RGS7: variants seen among roughly 807,000 people sequenced by gnomAD.
RGS7 encodes regulator of G protein signaling 7, also known as regulator of G-protein signaling 7.
RGS7 carries 27 observed loss-of-function variants against 81.1 expected under a neutral mutation model. The ratio of observed to expected loss-of-function variants is 0.33; its 90% CI spans 0.25 to 0.46. The LOEUF is 0.46. RGS7 is among the 20% of genes least tolerant of loss of function. The pLI, the probability that RGS7 is intolerant of heterozygous loss-of-function variation, is 1.00. For missense variants in RGS7, 396 were observed against 607.4 expected (o/e 0.65, Z 3.66); for synonymous variants, 208 against 207.7 (o/e 1.00, Z -0.01).
Position 240,800,651 on chromosome 1 carries a change from A to T in RGS7, c.1484T>A (p.Leu495Ter). The T allele has an allele frequency of 6.5e-7, 1 of 1,543,670 alleles. No individual in the cohort carries two copies. The highest frequency in any genetic ancestry group is 1.2e-5 in the South Asian group (1 of 83,514). The change falls in exon 18 of 19, where the codon TTA becomes TAA. Residue 495 changes from leucine (L) to a stop codon, truncating the protein, a stop_gained. Transcript: ENST00000440928. LOFTEE classifies it high-confidence loss of function. ...CCAAGATTTTTCTACCTCTTTTCAT[A>T]ACAGGTTAGTGCTGGCCCTCAGTGT... Reference protein sequence around the residue: ...TPTLRASTNLL With the variant: ...TPTLRASTNL
intron 2 of RGS7, among the ~76,000 whole-genome samples, chr1:241,208,823 A>G (rs2074075733): frequency 6.6e-6 from 1 of 152,330 alleles, no homozygotes; most frequent in East Asian, 1.9e-4. Flanking sequence ...AGAAACCTTA[A>G]GAGATGATAA....
Position 240,913,629 on chromosome 1 carries a change from C to T in RGS7, c.385+17088G>A, listed in dbSNP as rs1031503519. On this transcript the variant is annotated intron_variant, in intron 6 of 18. Coordinates refer to ENST00000440928, the MANE Select transcript of RGS7 (RefSeq NM_001364886.1). The stretch of plus-strand genomic sequence containing the variant: ...TTGTTGTTTTTTGTTTTTGCTAAAA[C>T]GAAAAAACTTCCTTTTTATTAAGGA... Among the ~76,000 whole-genome samples, 35 of 151,924 alleles carry T rather than the reference C, an allele frequency of 2.3e-4. No homozygotes were observed. The East Asian group carries it at 3.9e-3, about 17-fold the overall frequency.
At chr1:241,242,771 T>C (rs1336483987) in intron 2 of RGS7, among the ~76,000 whole-genome samples, 1 of 152,092 alleles carries the variant, frequency 6.6e-6, no homozygotes, top group Admixed American at 6.5e-5. Context: ...TTGGCCATTT[T>C]CACATCTTCT....
intron 2 of RGS7, among the ~76,000 whole-genome samples, chr1:241,135,005 C>T (rs4570413): frequency 6.6e-6 from 1 of 151,748 alleles, no homozygotes; most frequent in African/African-American, 2.4e-5. Flanking sequence ...CGTCCGGGTA[C>T]TACGTAGCAG....
intron 3 of RGS7, among the ~76,000 whole-genome samples, chr1:241,047,759 AG>A (rs2061015453): frequency 2.6e-5 from 1 of 37,970 alleles, no homozygotes; most frequent in South Asian, 6.9e-4. Flanking sequence ...TTTTTTTTTG[AG>A]ATGGACTCTT....
intron 3 of RGS7, among the ~76,000 whole-genome samples, chr1:241,029,627 C>T (rs2148722633): frequency 6.6e-6 from 1 of 152,316 alleles, no homozygotes; most frequent in Middle Eastern, 3.4e-3. Flanking sequence ...AATTACCTTG[C>T]ATCCCAGGGT....
Position 241,001,556 on chromosome 1 carries a change from A to C in RGS7, c.176-18427T>G, listed in dbSNP as rs566096128. Among the ~76,000 whole-genome samples, 20 of 152,302 alleles carry C rather than the reference A, an allele frequency of 1.3e-4. No individual in the cohort carries two copies. The South Asian group carries it at 3.9e-3, about 30-fold the overall frequency. On this transcript the variant is annotated intron_variant, in intron 3 of 18. Transcript: ENST00000440928. ...AGGCACTATAAACAAAATAAAAATAAATAAATAAATGACTGGTATACCCAG... is the reference window on the plus strand; with the variant it reads ...AGGCACTATAAACAAAATAAAAATACATAAATAAATGACTGGTATACCCAG...
intron 5 of RGS7, among the ~76,000 whole-genome samples, chr1:240,931,825 T>A (rs951900765): frequency 1.3e-5 from 2 of 152,140 alleles, no homozygotes; most frequent in Non-Finnish European, 2.9e-5. Flanking sequence ...ATTATTATCA[T>A]TAACATTTAT....
chr1:241,006,082 AT>A (rs1189724889), intron 3 of RGS7, among the ~76,000 whole-genome samples: 1 of 152,152 alleles, frequency 6.6e-6, no homozygotes, highest in African/African-American at 2.4e-5. Flanking sequence ...TGGTAGACAT[AT>A]AACGTAGTAT....
intron 3 of RGS7, among the ~76,000 whole-genome samples, chr1:241,001,030 C>A (rs1688071108): frequency 6.6e-6 from 1 of 152,088 alleles, no homozygotes; most frequent in Admixed American, 6.6e-5. Context: ...TTACTGGACA[C>A]TGCAGATATA....
At chr1:240,903,574 A>T (rs183019880) in intron 6 of RGS7, among the ~76,000 whole-genome samples, 1 of 152,282 alleles carries the variant, frequency 6.6e-6, no homozygotes. Flanking sequence ...TATTTTCCCC[A>T]CAACAATGCT....
intron 2 of RGS7, among the ~76,000 whole-genome samples, chr1:241,187,597 A>G (rs1558168607): frequency 6.6e-6 from 1 of 152,134 alleles, no homozygotes; most frequent in Non-Finnish European, 1.5e-5. Context: ...ATAAAGCTCT[A>G]ATATGCAGTA....
At chr1:240,976,149 T>C (rs1408161341) in intron 4 of RGS7, among the ~76,000 whole-genome samples, 2 of 152,252 alleles carry the variant, frequency 1.3e-5, no homozygotes, top group Non-Finnish European at 2.9e-5. Flanking sequence ...GGAGTTACTT[T>C]CATGTAACTG....
chr1:240,972,794 G>T (rs2148515874), intron 4 of RGS7, among the ~76,000 whole-genome samples: 1 of 149,208 alleles, frequency 6.7e-6, no homozygotes, highest in Non-Finnish European at 1.5e-5. Flanking sequence ...GCCAAGGCAG[G>T]GAGATCCCTT....
intron 3 of RGS7, among the ~76,000 whole-genome samples, chr1:241,086,808 G>A (rs2063477251): frequency 1.3e-5 from 2 of 152,052 alleles, no homozygotes; most frequent in Non-Finnish European, 2.9e-5. Context: ...CTGTGCAAAG[G>A]TCACGCGACA....
At chr1:240,912,229 G>C (rs981795226) in intron 6 of RGS7, among the ~76,000 whole-genome samples, 4 of 148,618 alleles carry the variant, frequency 2.7e-5, no homozygotes, top group African/African-American at 9.9e-5. Flanking sequence ...TGTGATGTAA[G>C]CTGGTAAGTG....
chr1:241,018,015 G>A (rs1457600632), intron 3 of RGS7, among the ~76,000 whole-genome samples: 1 of 151,884 alleles, frequency 6.6e-6, no homozygotes, highest in Non-Finnish European at 1.5e-5. Flanking sequence ...TGCCCAGGCT[G>A]GGGTGCAGTG....
At chr1:241,028,402 A>T (rs1173436879) in intron 3 of RGS7, among the ~76,000 whole-genome samples, 1 of 152,220 alleles carries the variant, frequency 6.6e-6, no homozygotes, top group African/African-American at 2.4e-5. Context: ...GCTTGTGCCT[A>T]TCCAAAGCTT....
rs556800653 is a variant in RGS7, at chr1:241,175,848, A to C, written c.79-77086T>G. Among the ~76,000 whole-genome samples the C allele has an allele frequency of 4.6e-5, 7 of 152,338 alleles. No individual in the cohort carries two copies. The South Asian group carries it at 1.4e-3, about 32-fold the overall frequency. ...CTACAATCAAACACATCAAGACGGA[A>C]TGTATGGGACAAGTGCAGAGGCCCA... On this transcript the variant is annotated intron_variant, in intron 2 of 18. Coordinates refer to ENST00000440928, the MANE Select transcript of RGS7 (RefSeq NM_001364886.1).
Sources: allele counts gnomAD v4.1 joint callset (sites outside exome capture counted in the v4.1 genomes callset), GRCh38; gene constraint gnomAD v4.1.1; transcripts MANE v1.5; gene names NCBI Gene and HGNC (gene_info 2026-07-23, HGNC 2026-07-21).